Variants in PLA2R1 observed in about 807,000 individuals in gnomAD.
The protein encoded by PLA2R1 is phospholipase A2 receptor 1, also known as secretory phospholipase A2 receptor.
In PLA2R1, 158 loss-of-function variants were observed where a neutral mutation model predicts 195.9. The observed-to-expected ratio is 0.81, with a 90% confidence interval of 0.71 to 0.92. The LOEUF (loss-of-function observed/expected upper bound fraction) is 0.92, where lower values mean the gene tolerates loss of function less well. Among genes scored for constraint, PLA2R1 ranks in the 40% least tolerant of loss-of-function variants. The pLI is 0.00. For missense variants in PLA2R1, 1,626 were observed against 1,764.6 expected (o/e 0.92, Z 1.41); for synonymous variants, 586 against 598.2 (o/e 0.98, Z 0.30).
At chr2:160,043,799 C>T (rs1379830011) in intron 2 of PLA2R1, among the ~76,000 whole-genome samples, 1 of 152,210 alleles carries the variant, frequency 6.6e-6, no homozygotes, top group Non-Finnish European at 1.5e-5. Flanking sequence ...CTGAAAATGC[C>T]TGGCCCTTGG....
At chr2:159,991,023 C>T (rs530083801) in intron 11 of PLA2R1, among the ~76,000 whole-genome samples, 152 of 152,194 alleles carry the variant, frequency 1.0e-3, no homozygotes, top group Non-Finnish European at 2.0e-3. Flanking sequence ...AGGCCACAAA[C>T]GTAGTAGGCT....
intron 3 of PLA2R1, among the ~76,000 whole-genome samples, chr2:160,033,847 A>G (rs1333967585): frequency 3.3e-5 from 5 of 152,228 alleles, no homozygotes; most frequent in African/African-American, 1.2e-4. Context: ...TCCAAGGTGA[A>G]CTAAGTAGCC....
Position 160,027,767 on chromosome 2 carries a change from G to T in PLA2R1, c.1099+451C>A, listed in dbSNP as rs1316411696. On this transcript the variant is annotated intron_variant, in intron 6 of 29. Transcript: ENST00000283243. ...ATTTAAGTATTAACTCCATCTAAAA[G>T]TTCTGCATGTAATTTCAGGGAGGAA... 2.0e-5 allele frequency among the ~76,000 whole-genome samples: 3 copies of T among 152,302 alleles called. No individual in the cohort carries two copies. In the East Asian group the frequency reaches 5.8e-4, roughly 29 times the overall value.
intron 11 of PLA2R1, among the ~76,000 whole-genome samples, chr2:160,001,453 A>G (rs1403473593): frequency 3.3e-5 from 5 of 152,022 alleles, no homozygotes; most frequent in Non-Finnish European, 7.4e-5. Flanking sequence ...GAAGAAATAA[A>G]TCCAATTCTA....
At position 159,946,815 on chromosome 2, in the gene PLA2R1, T is replaced by G. The variant is rs367569130; in HGVS notation, c.3953A>C (p.Gln1318Pro). The G allele has an allele frequency of 1.9e-6, 3 of 1,607,418 alleles. No homozygotes were observed. The African/African-American group carries it at 4.0e-5, about 22-fold the overall frequency. The part of the protein sequence containing the change: ...SSVQMVWLNA[Q>P]FDGNNETIKW... ...AAATCACTTACTGTTACCATCAAAT[T>G]GAGCATTCAACCAAACCATCTGGAC... is the stretch of plus-strand genomic sequence containing the variant. The change falls in exon 27 of 30, where the codon CAA (glutamine) becomes CCA (proline). Residue 1318 changes from glutamine (Q) to proline (P), a missense_variant. Coordinates refer to ENST00000283243, the MANE Select transcript of PLA2R1 (RefSeq NM_007366.5).
chr2:160,023,057 T>A (rs1258216645), intron 6 of PLA2R1, among the ~76,000 whole-genome samples, 198 bp from the exon 7 acceptor site: 1 of 152,174 alleles, frequency 6.6e-6, no homozygotes, highest in Non-Finnish European at 1.5e-5. Context: ...AGATCTAGGA[T>A]CAAATGAACC....
chr2:160,018,469 T>C (rs1255110296), intron 8 of PLA2R1, among the ~76,000 whole-genome samples: 1 of 152,096 alleles, frequency 6.6e-6, no homozygotes, highest in African/African-American at 2.4e-5. Context: ...CCATGTCTAC[T>C]AAAAATACAA....
chr2:160,051,074 A>T (rs1430384441), intron 1 of PLA2R1, among the ~76,000 whole-genome samples: 1 of 152,224 alleles, frequency 6.6e-6, no homozygotes, highest in Non-Finnish European at 1.5e-5. Context: ...AACAAAAAAC[A>T]CTTTAAAGAA....
chr2:160,045,169 A>C lies in PLA2R1; in HGVS notation c.110-12T>G. 6.3e-7 allele frequency: 1 copy of C among 1,578,864 alleles called. No homozygotes were observed. ...AAATATTCCTTTATCTGAAACAAAA[A>C]TCAAAGATGTGGCATGAAATTTTCA... On this transcript the variant is annotated splice_polypyrimidine_tract_variant and intron_variant, in intron 1 of 29. Coordinates refer to ENST00000283243, the MANE Select transcript of PLA2R1 (RefSeq NM_007366.5).
At chr2:160,028,708 T>C in intron 5 of PLA2R1, 142 bp downstream of exon 5, 1 of 617,062 alleles carries the variant, frequency 1.6e-6, no homozygotes, top group Non-Finnish European at 2.9e-6. Context: ...TTGGAAAAGC[T>C]TGCCTTAAAG....
In PLA2R1 at chr2:159,932,809, A is replaced by C. The variant is rs986133378; in HGVS notation, c.*8969T>G. On this transcript the variant is annotated 3_prime_UTR_variant, in exon 30 of 30. Transcript: ENST00000283243. ...AAACATTATAAATGGTCCTTTAACA[A>C]TTTACAATTTGCTGTATTATATTAA... 1 of 152,202 alleles carries C rather than the reference A, an allele frequency of 6.6e-6. No individual in the cohort carries two copies. The highest frequency in any genetic ancestry group is 1.5e-5 in the Non-Finnish European group (1 of 68,026). 9.4% of individuals were successfully genotyped at this position (152,202 alleles called of 1,614,324 possible). A position where few individuals can be genotyped will look rare whatever the true frequency, so the allele number is the denominator to read the frequency against.
intron 6 of PLA2R1, among the ~76,000 whole-genome samples, chr2:160,025,974 G>A (rs181951390): frequency 6.6e-6 from 1 of 152,272 alleles, no homozygotes; most frequent in Non-Finnish European, 1.5e-5. Context: ...TTAATGTAGT[G>A]TATTCAGGAT....
chr2:160,020,315 G>C, intron 7 of PLA2R1, 52 bp from the exon 8 acceptor site: 1 of 1,298,886 alleles, frequency 7.7e-7, no homozygotes, highest in South Asian at 1.3e-5. Flanking sequence ...TTGCAAAGGA[G>C]ATAACACCCT....
chr2:159,976,031 A>T, intron 17 of PLA2R1, 37 bp downstream of exon 17: 1 of 1,570,370 alleles, frequency 6.4e-7, no homozygotes. Flanking sequence ...GAAGGTGCTA[A>T]ACTCTGAATT....
At chr2:160,056,420 T>G (rs2105702651) in intron 1 of PLA2R1, among the ~76,000 whole-genome samples, 1 of 152,272 alleles carries the variant, frequency 6.6e-6, no homozygotes, top group Admixed American at 6.5e-5. Context: ...GACCTTCTTT[T>G]GCCTCTTCTT....
chr2:160,032,358 C>T (rs1693907610), intron 4 of PLA2R1, among the ~76,000 whole-genome samples: 1 of 152,154 alleles, frequency 6.6e-6, no homozygotes, highest in Non-Finnish European at 1.5e-5. Flanking sequence ...AATGTACACA[C>T]ATACAAATAC....
intron 1 of PLA2R1, among the ~76,000 whole-genome samples, chr2:160,046,103 T>C (rs1374677823): frequency 6.6e-6 from 1 of 152,252 alleles, no homozygotes; most frequent in East Asian, 1.9e-4. Flanking sequence ...TGAACTTGTT[T>C]TCTCACAGGC....
At chr2:160,052,192 T>C (rs1039653002) in intron 1 of PLA2R1, among the ~76,000 whole-genome samples, 1 of 152,174 alleles carries the variant, frequency 6.6e-6, no homozygotes, top group Admixed American at 6.5e-5. Flanking sequence ...AGGCACACAA[T>C]AGTCTTTCTC....
Position 159,940,975 on chromosome 2 carries a change from G to A in PLA2R1, c.*803C>T, listed in dbSNP as rs1175744814. On this transcript the variant is annotated 3_prime_UTR_variant, in exon 30 of 30. Transcript: ENST00000283243. ...ATTTAGTTTTTCAGAAAGTCCATGA[G>A]TTTTAACAGTACAACTGTTAAAGTT... is the stretch of plus-strand genomic sequence containing the variant. 6.6e-6 allele frequency: 1 copy of A among 152,026 alleles called. No homozygotes were observed. The highest frequency in any genetic ancestry group is 1.5e-5 in the Non-Finnish European group (1 of 67,986). The allele number at this position is 152,026 out of a possible 1,614,324, so 9.4% of individuals were successfully genotyped here.
Sources: gnomAD v4.1 joint callset for allele counts (sites outside exome capture counted in the v4.1 genomes callset) on GRCh38, gnomAD v4.1.1 for gene constraint, MANE v1.5 for transcripts, NCBI Gene and HGNC (gene_info 2026-07-23, HGNC 2026-07-21) for gene names.